Variants in SUGCT observed in about 807,000 individuals in gnomAD.
SUGCT encodes succinyl-CoA:glutarate CoA-transferase.
A neutral mutation model predicts 55.0 loss-of-function variants in SUGCT; 41 were observed. The ratio of observed to expected loss-of-function variants is 0.74; its 90% CI spans 0.58 to 0.97. SUGCT has a LOEUF of 0.97. Among genes scored for constraint, SUGCT ranks in the 50% least tolerant of loss-of-function variants. The pLI is 0.00. For missense variants in SUGCT, 568 were observed against 547.8 expected, an observed-to-expected ratio of 1.04 and a Z score of -0.37; for synonymous variants, 187 against 200.4, an observed-to-expected ratio of 0.93 and a Z score of 0.56.
At chr7:40,499,164 C>T (rs1445852530) in intron 12 of SUGCT, 2 of 455,190 alleles carry the variant, frequency 4.4e-6, no homozygotes, top group African/African-American at 4.0e-5. Context: ...GCTGCTAGTT[C>T]AACTGGAAAT....
intron 11 of SUGCT, among the ~76,000 whole-genome samples, chr7:40,474,645 G>A (rs1386974395): frequency 2.0e-5 from 3 of 152,184 alleles, no homozygotes; most frequent in Non-Finnish European, 4.4e-5. Flanking sequence ...AGGTTGGTCA[G>A]GGGATGTGGG....
chr7:40,916,647 T>C, the SUGCT span, among the ~76,000 whole-genome samples: 1 of 152,260 alleles, frequency 6.6e-6, no homozygotes, highest in African/African-American at 2.4e-5. Context: ...AATTACATTC[T>C]ACTATCTGGT....
At chr7:40,905,882 TAATTTTTA>T in the SUGCT span, among the ~76,000 whole-genome samples, 1 of 152,108 alleles carries the variant, frequency 6.6e-6, no homozygotes, top group East Asian at 1.9e-4. Context: ...CCACACTGGC[TAATTTTTA>T]AATTTTTTGT....
chr7:40,970,099 G>A, the SUGCT span, among the ~76,000 whole-genome samples: 5 of 152,148 alleles, frequency 3.3e-5, no homozygotes, highest in African/African-American at 1.2e-4. Context: ...TCGCGAGGAG[G>A]CTTTTTAATT....
chr7:40,249,334 T>TATAG (rs1562612169), intron 7 of SUGCT, among the ~76,000 whole-genome samples: 5 of 121,510 alleles, frequency 4.1e-5, no homozygotes, highest in Non-Finnish European at 8.6e-5. Flanking sequence ...TATATATATA[T>TATAG]ATATATATAT....
intron 12 of SUGCT, among the ~76,000 whole-genome samples, chr7:40,732,638 G>C (rs1786954517): frequency 6.6e-6 from 1 of 152,150 alleles, no homozygotes; most frequent in South Asian, 2.1e-4. Flanking sequence ...ATCTGAATAA[G>C]AAGACACACC....
At chr7:40,335,530 C>T (rs914627495) in intron 9 of SUGCT, among the ~76,000 whole-genome samples, 2 of 151,942 alleles carry the variant, frequency 1.3e-5, no homozygotes, top group African/African-American at 4.8e-5. Context: ...GGAGTTCACT[C>T]ATGATTTGGC....
chr7:40,660,790 T>C (rs1255665977), intron 12 of SUGCT, among the ~76,000 whole-genome samples: 2 of 152,188 alleles, frequency 1.3e-5, no homozygotes, highest in Non-Finnish European at 2.9e-5. Flanking sequence ...CTTACTCTGA[T>C]TCTGCCTTTC....
intron 1 of SUGCT, among the ~76,000 whole-genome samples, chr7:40,146,612 G>A (rs112305401): frequency 1.3e-5 from 2 of 152,230 alleles, no homozygotes; most frequent in Non-Finnish European, 2.9e-5. Flanking sequence ...TGTCCTTAAG[G>A]CACAGATCGC....
At position 40,660,734 on chromosome 7, in the gene SUGCT, T is replaced by C. The variant is rs978639149; in HGVS notation, c.1090-88700T>C. Among the ~76,000 whole-genome samples the C allele has an allele frequency of 3.9e-5, 6 of 152,194 alleles. No individual in the cohort carries two copies. The East Asian group carries it at 7.7e-4, about 20-fold the overall frequency. ...AGAGTTGTGCCACCTCAGAAAACTT[T>C]GTTTGATAAAAACAACCCAGTCTCT... On this transcript the variant is annotated intron_variant, in intron 12 of 13. Coordinates refer to ENST00000335693, the MANE Select transcript of SUGCT (RefSeq NM_001193313.2).
intron 8 of SUGCT, among the ~76,000 whole-genome samples, chr7:40,285,233 A>T (rs1793244936): frequency 6.6e-6 from 1 of 152,108 alleles, no homozygotes; most frequent in African/African-American, 2.4e-5. Context: ...TAGAAATGGA[A>T]AGATCTATTG....
the SUGCT span, among the ~76,000 whole-genome samples, chr7:40,896,424 C>G: frequency 6.6e-6 from 1 of 152,226 alleles, no homozygotes; most frequent in South Asian, 2.1e-4. Flanking sequence ...TGTGTCCCCA[C>G]CCAAATCTCA....
chr7:40,622,033 C>T (rs1027390675), intron 12 of SUGCT, among the ~76,000 whole-genome samples: 5 of 152,176 alleles, frequency 3.3e-5, no homozygotes, highest in East Asian at 1.9e-4. Context: ...CAAACCTGAC[C>T]GTGTATCAGA....
chr7:40,471,982 C>A (rs1434900828), intron 11 of SUGCT, among the ~76,000 whole-genome samples: 2 of 151,866 alleles, frequency 1.3e-5, no homozygotes, highest in African/African-American at 4.8e-5. Context: ...TAAATATAAC[C>A]AAATAAAATG....
intron 12 of SUGCT, among the ~76,000 whole-genome samples, chr7:40,567,401 A>T (rs995992957): frequency 1.3e-5 from 2 of 152,210 alleles, no homozygotes; most frequent in Non-Finnish European, 2.9e-5. Flanking sequence ...AGGGATAATC[A>T]TTAGACTTTG....
At position 40,139,104 on chromosome 7, in the gene SUGCT, G is replaced by A. The variant is rs371833092; in HGVS notation, c.100+3984G>A. 7.3e-5 allele frequency among the ~76,000 whole-genome samples: 11 copies of A among 150,886 alleles called. No individual in the cohort carries two copies. The East Asian group carries it at 9.7e-4, about 13-fold the overall frequency. On this transcript the variant is annotated intron_variant, in intron 1 of 13. Coordinates refer to ENST00000335693, the MANE Select transcript of SUGCT (RefSeq NM_001193313.2). ...TTGCCCATTGTACTCCAGCCTGGGC[G>A]ACAACAGCAAAACTCTGGCTCAAAA...
intron 5 of SUGCT, among the ~76,000 whole-genome samples, chr7:40,190,687 A>G (rs1056705651): frequency 2.0e-5 from 3 of 152,130 alleles, no homozygotes; most frequent in African/African-American, 7.2e-5. Flanking sequence ...TGGATTCATC[A>G]TGTGGGATAA....
At chr7:40,478,035 C>G (rs1255447640) in intron 11 of SUGCT, among the ~76,000 whole-genome samples, 3 of 152,082 alleles carry the variant, frequency 2.0e-5, no homozygotes, top group African/African-American at 7.2e-5. Context: ...CTGTGTTGCC[C>G]AGGCTGGAGG....
At chr7:40,476,586 A>C (rs890612467) in intron 11 of SUGCT, among the ~76,000 whole-genome samples, 1 of 151,908 alleles carries the variant, frequency 6.6e-6, no homozygotes, top group African/African-American at 2.4e-5. Flanking sequence ...TTTTGTGTAC[A>C]TTGGTTGTAT....
Sources: gnomAD v4.1 joint callset for allele counts (sites outside exome capture counted in the v4.1 genomes callset) on GRCh38, gnomAD v4.1.1 for gene constraint, MANE v1.5 for transcripts, NCBI Gene and HGNC (gene_info 2026-07-23, HGNC 2026-07-21) for gene names.